TCEANC2: variants seen among roughly 807,000 people sequenced by gnomAD.
The protein encoded by TCEANC2 is transcription elongation factor A N-terminal and central domain containing 2.
Under a neutral mutation model 22.8 loss-of-function variants are expected in TCEANC2, and 20 were observed. That is an observed-to-expected ratio of 0.88 (90% CI 0.62 to 1.28). TCEANC2 has a LOEUF of 1.28. Among genes scored for constraint, TCEANC2 ranks in the 50% most tolerant of loss-of-function variants. The pLI is 0.00. For synonymous variants in TCEANC2, 84 were observed against 95.5 expected (o/e 0.88, Z 0.70); for missense variants, 251 against 249.7 (o/e 1.01, Z -0.03).
chr1:54,061,027 C>T (rs1657845175), intron 2 of TCEANC2, among the ~76,000 whole-genome samples: 2 of 151,856 alleles, frequency 1.3e-5, no homozygotes, highest in South Asian at 2.1e-4. Context: ...TGGCAGGGCA[C>T]CATAAAGGGA....
chr1:54,098,293 G>A lies in TCEANC2; in HGVS notation c.*1820G>A, dbSNP rs1658596197. The A allele has an allele frequency of 6.5e-6, 1 of 153,268 alleles. No individual in the cohort carries two copies. The highest frequency in any genetic ancestry group is 1.5e-5 in the Non-Finnish European group (1 of 68,758). 9.5% of individuals were successfully genotyped at this position (153,268 alleles called of 1,614,324 possible). A position where few individuals can be genotyped will look rare whatever the true frequency, so the allele number is the denominator to read the frequency against. Reference sequence around the variant, plus strand: ...ACCCTCAGCCAACCAAGTCCTGGTGGTTTGATTAGGTTGGTGCAAAAGTAA... The same window carrying A: ...ACCCTCAGCCAACCAAGTCCTGGTGATTTGATTAGGTTGGTGCAAAAGTAA... On this transcript the variant is annotated 3_prime_UTR_variant, in exon 5 of 5. Coordinates refer to ENST00000234827, the MANE Select transcript of TCEANC2 (RefSeq NM_153035.3).
At position 54,096,640 on chromosome 1, in the gene TCEANC2, C is replaced by A. The variant is rs916407304; in HGVS notation, c.*167C>A. The stretch of plus-strand genomic sequence containing the variant: ...GATTCGGAGAGCCCTAGGAGACAGG[C>A]CTGCAGGAATGTGCTTCATTAGCTG... On this transcript the variant is annotated 3_prime_UTR_variant, in exon 5 of 5. Transcript: ENST00000234827. This position sits in a 1 kb window ranked among gnomAD's most constrained non-coding sequence, Gnocchi z 4.9. 31 of 1,338,794 alleles carry A rather than the reference C, an allele frequency of 2.3e-5. No individual in the cohort carries two copies. Among genetic ancestry groups the A allele is most frequent in the Non-Finnish European group, 2.9e-5 (30 of 1,031,196 alleles). The allele number at this position is 1,338,794 out of a possible 1,614,324, so 82.9% of individuals were successfully genotyped here.
chr1:54,059,609 G>A (rs908365115), intron 2 of TCEANC2, among the ~76,000 whole-genome samples: 39 of 152,176 alleles, frequency 2.6e-4, no homozygotes, highest in African/African-American at 9.2e-4. Flanking sequence ...TACTCTCAAC[G>A]TTTGGTTCAA....
chr1:54,058,806 G>T (rs1405145844), intron 2 of TCEANC2, among the ~76,000 whole-genome samples: 1 of 152,166 alleles, frequency 6.6e-6, no homozygotes, highest in African/African-American at 2.4e-5. Flanking sequence ...ACAGGCACAC[G>T]CCACCATGCC....
Position 54,102,302 on chromosome 1 carries a change from G to A in TCEANC2, c.*5829G>A, listed in dbSNP as rs1247067991. On this transcript the variant is annotated 3_prime_UTR_variant, in exon 5 of 5. Coordinates refer to ENST00000234827, the MANE Select transcript of TCEANC2 (RefSeq NM_153035.3). ...ATCTGTGGTGGGAACAGATGCCTGT[G>A]AAGTTTATGACAAGACCCTACAGGA... 1.3e-5 allele frequency: 2 copies of A among 152,256 alleles called. No individual in the cohort carries two copies. Among genetic ancestry groups the A allele is most frequent in the African/African-American group, 2.4e-5 (1 of 41,456 alleles). 9.4% of individuals were successfully genotyped at this position (152,256 alleles called of 1,614,324 possible). A position where few individuals can be genotyped will look rare whatever the true frequency, so the allele number is the denominator to read the frequency against.
chr1:54,091,102 G>C (rs1476211380), intron 4 of TCEANC2, among the ~76,000 whole-genome samples: 1 of 150,304 alleles, frequency 6.7e-6, no homozygotes, highest in Non-Finnish European at 1.5e-5. Flanking sequence ...TGTTCCCAAA[G>C]AGTAAATTTA....
chr1:54,060,666 G>T (rs186039995), intron 2 of TCEANC2, among the ~76,000 whole-genome samples: 1 of 152,142 alleles, frequency 6.6e-6, no homozygotes, highest in African/African-American at 2.4e-5. Context: ...GAGGCCTGGC[G>T]TGGTGGCTCA....
chr1:54,085,997 G>C (rs956880895), intron 3 of TCEANC2, among the ~76,000 whole-genome samples: 13 of 152,146 alleles, frequency 8.5e-5, no homozygotes, highest in African/African-American at 2.9e-4. Context: ...GCATCGCAAA[G>C]TGTTGAGATT....
chr1:54,095,316 T>A (rs959279372), intron 4 of TCEANC2, among the ~76,000 whole-genome samples: 8 of 151,974 alleles, frequency 5.3e-5, no homozygotes, highest in African/African-American at 1.7e-4. Flanking sequence ...TAGGGAAAGG[T>A]GTGCCTTGCT....
intron 3 of TCEANC2, among the ~76,000 whole-genome samples, chr1:54,069,763 G>T (rs1377855922): frequency 1.3e-5 from 2 of 152,164 alleles, no homozygotes; most frequent in African/African-American, 2.4e-5. Flanking sequence ...TTCAGAAAAG[G>T]CTTCATAGAA....
At chr1:54,054,252 T>C in intron 1 of TCEANC2, 129 bp from the exon 2 acceptor site, 3 of 1,442,946 alleles carry the variant, frequency 2.1e-6, no homozygotes, top group Non-Finnish European at 2.7e-6. Flanking sequence ...AAATCTTACT[T>C]CCTGTCAATT....
Position 54,087,062 on chromosome 1 carries a change from G to A in TCEANC2, c.245-1535G>A, listed in dbSNP as rs572564363. Among the ~76,000 whole-genome samples the A allele has an allele frequency of 1.4e-4, 22 of 152,230 alleles. No individual in the cohort carries two copies. In the East Asian group the frequency reaches 3.9e-3, roughly 27 times the overall value. On this transcript the variant is annotated intron_variant, in intron 3 of 4. Transcript: ENST00000234827. The stretch of plus-strand genomic sequence containing the variant: ...CCCTGTGGTGTTCTGACTGGCTATT[G>A]CTGACTTAAGAAAGCTATTGGTTTT...
intron 3 of TCEANC2, among the ~76,000 whole-genome samples, chr1:54,078,900 T>C (rs1400193626): frequency 6.6e-6 from 1 of 152,126 alleles, no homozygotes; most frequent in Non-Finnish European, 1.5e-5. Context: ...CAAAGACTGT[T>C]CTTAGAGGCA....
chr1:54,090,327 C>T (rs1414753157), intron 4 of TCEANC2, among the ~76,000 whole-genome samples: 1 of 152,112 alleles, frequency 6.6e-6, no homozygotes, highest in Non-Finnish European at 1.5e-5. Context: ...CTTGTTAACA[C>T]ATTGGCACAT....
Position 54,098,263 on chromosome 1 carries a change from C to G in TCEANC2, c.*1790C>G, listed in dbSNP as rs973300421. ...CAAGGAGTCAGCCTAGACCCCACAT[C>G]TCCCACCCTCAGCCAACCAAGTCCT... On this transcript the variant is annotated 3_prime_UTR_variant, in exon 5 of 5. Coordinates refer to ENST00000234827, the MANE Select transcript of TCEANC2 (RefSeq NM_153035.3). 3 of 152,918 alleles carry G rather than the reference C, an allele frequency of 2.0e-5. No homozygotes were observed. Among genetic ancestry groups the G allele is most frequent in the African/African-American group, 7.2e-5 (3 of 41,458 alleles). The allele number at this position is 152,918 out of a possible 1,614,324, so 9.5% of individuals were successfully genotyped here.
rs1658706540 is a variant in TCEANC2 at position 54,104,203 on chromosome 1, C to G, written c.*7730C>G. The G allele has an allele frequency of 6.4e-6, 1 of 156,826 alleles. No individual in the cohort carries two copies. The highest frequency in any genetic ancestry group is 1.4e-5 in the Non-Finnish European group (1 of 70,702). 9.7% of individuals were successfully genotyped at this position (156,826 alleles called of 1,614,324 possible). On this transcript the variant is annotated 3_prime_UTR_variant, in exon 5 of 5. Coordinates refer to ENST00000234827, the MANE Select transcript of TCEANC2 (RefSeq NM_153035.3). ...ACCAAGAAATGAAAGCAGGAGTGCTCTCACTCTTACCATCACTTCTAGTGA... is the reference window on the plus strand; with the variant it reads ...ACCAAGAAATGAAAGCAGGAGTGCTGTCACTCTTACCATCACTTCTAGTGA...
chr1:54,056,171 T>C (rs959594680), intron 2 of TCEANC2, among the ~76,000 whole-genome samples: 1 of 152,190 alleles, frequency 6.6e-6, no homozygotes, highest in Non-Finnish European at 1.5e-5. Context: ...TGTCAGAATA[T>C]TCATGGATAA....
At position 54,096,466 on chromosome 1, in the gene TCEANC2, A is replaced by G. The variant is rs1393079767; in HGVS notation, c.620A>G (p.Lys207Arg). 6.3e-7 allele frequency: 1 copy of G among 1,598,818 alleles called. No homozygotes were observed. Among genetic ancestry groups the G allele is most frequent in the Non-Finnish European group, 8.6e-7 (1 of 1,167,196 alleles). ...GTCGGCACGTTTGTACAGACCCACA[A>G]AAAGTGACCTGAGGACGGTTCCAGC... The part of the protein sequence containing the change: ...LPVGTFVQTH[K>R]K The change falls in exon 5 of 5, where the codon AAA becomes AGA. Residue 207 changes from lysine (K) to arginine (R), a missense_variant. By Grantham distance (26) the Lys-to-Arg change is conservative. Transcript: ENST00000234827. The surrounding 1 kb of genome is among the most constrained non-coding windows in gnomAD (Gnocchi z 4.9).
rs1658657688 is a variant in TCEANC2 at position 54,101,252 on chromosome 1, C to A, written c.*4779C>A. ...GGGGCAAAGGCTCAGTTTGTTACTG[C>A]CCATTATTGCAAGGGAAGGGAGTCC... On this transcript the variant is annotated 3_prime_UTR_variant, in exon 5 of 5. Coordinates refer to ENST00000234827, the MANE Select transcript of TCEANC2 (RefSeq NM_153035.3). 6.6e-6 allele frequency: 1 copy of A among 152,160 alleles called. No individual in the cohort carries two copies. The highest frequency in any genetic ancestry group is 1.5e-5 in the Non-Finnish European group (1 of 68,040). 9.4% of individuals were successfully genotyped at this position (152,160 alleles called of 1,614,324 possible).
Sources: allele counts gnomAD v4.1 joint callset (sites outside exome capture counted in the v4.1 genomes callset), GRCh38; gene constraint gnomAD v4.1.1; non-coding constraint Gnocchi (gnomAD v3.1); transcripts MANE v1.5; gene names NCBI Gene and HGNC (gene_info 2026-07-23, HGNC 2026-07-21).